SEMA3D: variants seen among roughly 807,000 people sequenced by gnomAD.
SEMA3D encodes semaphorin-3D.
Under a neutral mutation model 100.1 loss-of-function variants are expected in SEMA3D, and 84 were observed. The observed-to-expected ratio is 0.84, with a 90% CI of 0.70 to 1.01. The LOEUF is 1.01. Ranked by LOEUF, SEMA3D falls within the 50% of genes least tolerant of loss-of-function variation. The pLI, the probability that SEMA3D is intolerant of heterozygous loss-of-function variation, is 0.00. For synonymous variants in SEMA3D, 312 were observed against 320.7 expected (o/e 0.97, Z 0.29); for missense variants, 875 against 934.1 (o/e 0.94, Z 0.82).
intron 12 of SEMA3D, among the ~76,000 whole-genome samples, chr7:85,033,599 G>T (rs900527801): frequency 3.3e-5 from 5 of 151,978 alleles, no homozygotes; most frequent in African/African-American, 1.2e-4. Context: ...CAAATAATTT[G>T]TTGTTGTTGT....
At chr7:85,037,113 TG>T in intron 11 of SEMA3D, 80 bp from the exon 12 acceptor site, 1 of 1,407,276 alleles carries the variant, frequency 7.1e-7, no homozygotes, top group East Asian at 2.4e-5. Context: ...TATCAGCAGG[TG>T]CTGTGGACAA....
intron 2 of SEMA3D, among the ~76,000 whole-genome samples, chr7:85,138,653 T>A (rs1227509244): frequency 6.9e-5 from 6 of 86,742 alleles, no homozygotes; most frequent in African/African-American, 3.8e-4. Context: ...TATATTTAAT[T>A]TAATATATAT....
At chr7:85,098,527 T>C (rs1788643735) in intron 3 of SEMA3D, among the ~76,000 whole-genome samples, 1 of 151,864 alleles carries the variant, frequency 6.6e-6, no homozygotes, top group Non-Finnish European at 1.5e-5. Context: ...ATACACTTTT[T>C]TTGGAGCGGT....
intron 3 of SEMA3D, among the ~76,000 whole-genome samples, chr7:85,100,685 C>T (rs62473408): frequency 1.3e-5 from 2 of 151,556 alleles, no homozygotes; most frequent in Non-Finnish European, 3.0e-5. Flanking sequence ...AATATAATGG[C>T]CATATATTCC....
the SEMA3D span, among the ~76,000 whole-genome samples, chr7:85,200,815 C>T: frequency 6.6e-6 from 1 of 152,152 alleles, no homozygotes. Flanking sequence ...TGGGCCAGGC[C>T]CAGTGTCTCC....
chr7:85,013,797 G>GA (rs1790023695), intron 16 of SEMA3D, among the ~76,000 whole-genome samples: 1 of 151,786 alleles, frequency 6.6e-6, no homozygotes, highest in African/African-American at 2.4e-5. Flanking sequence ...AATACAAGAA[G>GA]AAAAAATTAT....
intron 18 of SEMA3D, among the ~76,000 whole-genome samples, chr7:85,003,331 C>T (rs528597696): frequency 1.3e-5 from 2 of 151,698 alleles, no homozygotes; most frequent in Non-Finnish European, 2.9e-5. Flanking sequence ...GCAATGAGCT[C>T]GTTATTAAAA....
intron 5 of SEMA3D, among the ~76,000 whole-genome samples, chr7:85,076,810 A>C (rs997426268): frequency 3.3e-5 from 5 of 152,262 alleles, no homozygotes; most frequent in African/African-American, 9.6e-5. Flanking sequence ...AATCTTTAAA[A>C]TAGGGCTGTG....
chr7:85,238,801 A>G, the SEMA3D span, among the ~76,000 whole-genome samples: 1 of 152,162 alleles, frequency 6.6e-6, no homozygotes, highest in Non-Finnish European at 1.5e-5. Flanking sequence ...AAACCTGACA[A>G]TATTGAGTCT....
At chr7:85,235,510 A>C in the SEMA3D span, among the ~76,000 whole-genome samples, 4 of 152,188 alleles carry the variant, frequency 2.6e-5, no homozygotes, top group African/African-American at 9.7e-5. Context: ...CAGAGGGAAA[A>C]GGAAGGTAAT....
chr7:85,163,033 G>T, intron 1 of SEMA3D: 1 of 924,600 alleles, frequency 1.1e-6, no homozygotes, highest in Non-Finnish European at 1.3e-6. Context: ...AGGATGTGAA[G>T]TAAGAATATA....
At position 85,168,844 on chromosome 7, in the gene SEMA3D, AGAAAGAAAG is replaced by A. The variant is rs1454990422; in HGVS notation, c.-172-15114_-172-15106del. On this transcript the variant is annotated intron_variant, in intron 1 of 18. Coordinates refer to ENST00000284136, the MANE Select transcript of SEMA3D (RefSeq NM_001384900.1). ...ATGAAAGAAAGAAAGAAAGAAAGAAAGAAAGAAAGAAAGAAAGAAAGAAAGAAAGAAAGA... is the reference window on the plus strand; with the variant it reads ...ATGAAAGAAAGAAAGAAAGAAAGAAAAAAGAAAGAAAGAAAGAAAGAAAGA... Among the ~76,000 whole-genome samples the A allele has an allele frequency of 6.0e-3, 448 of 74,104 alleles. 6 individuals are homozygous for A. Among genetic ancestry groups the A allele is most frequent in the African/African-American group, 0.021 (431 of 20,488 alleles). 48.6% of individuals were successfully genotyped at this position (74,104 alleles called of 152,430 possible).
At chr7:85,056,068 A>G (rs576306546) in intron 8 of SEMA3D, among the ~76,000 whole-genome samples, 25 of 152,224 alleles carry the variant, frequency 1.6e-4, no homozygotes, top group African/African-American at 5.8e-4. Flanking sequence ...CAAGTTCTCC[A>G]GGAATTCCAG....
In SEMA3D at chr7:85,030,529, A is replaced by T. The variant is rs187398539; in HGVS notation, c.1191+6360T>A. 3.6e-3 allele frequency among the ~76,000 whole-genome samples: 544 copies of T among 152,180 alleles called. 1 individual carries two copies. The highest frequency in any genetic ancestry group is 0.011 in the African/African-American group (445 of 41,572). On this transcript the variant is annotated intron_variant, in intron 12 of 18. Transcript: ENST00000284136. ...AAAATCAGACATTTAGTAGTTATTT[A>T]AAAATGGTGGCAAAATGATTCAAGC...
the SEMA3D span, among the ~76,000 whole-genome samples, chr7:85,204,990 G>A: frequency 3.3e-5 from 5 of 152,050 alleles, no homozygotes; most frequent in African/African-American, 1.2e-4. Flanking sequence ...TAATATACGT[G>A]AGATGCTATC....
the SEMA3D span, among the ~76,000 whole-genome samples, chr7:85,227,509 C>A: frequency 6.6e-6 from 1 of 152,032 alleles, no homozygotes; most frequent in East Asian, 1.9e-4. Flanking sequence ...TATGCCAGTA[C>A]CTTAATCTTG....
chr7:85,171,921 T>C (rs1394072151), intron 1 of SEMA3D, among the ~76,000 whole-genome samples: 3 of 151,598 alleles, frequency 2.0e-5, no homozygotes, highest in Admixed American at 6.6e-5. Flanking sequence ...ACTCAGGGAA[T>C]AGAAAATGAC....
chr7:85,102,882 CA>C (rs2116333159), intron 3 of SEMA3D, among the ~76,000 whole-genome samples: 1 of 151,986 alleles, frequency 6.6e-6, no homozygotes, highest in South Asian at 2.1e-4. Flanking sequence ...GGTTTAGTTT[CA>C]AACCAACTTT....
intron 12 of SEMA3D, chr7:85,029,242 A>G: frequency 1.3e-6 from 1 of 759,698 alleles, no homozygotes; most frequent in Admixed American, 1.7e-5. Context: ...ATTAATGCCA[A>G]GGGCATCCTC....
Sources: allele counts gnomAD v4.1 joint callset (sites outside exome capture counted in the v4.1 genomes callset), GRCh38; gene constraint gnomAD v4.1.1; transcripts MANE v1.5; gene names NCBI Gene and HGNC (gene_info 2026-07-23, HGNC 2026-07-21).